MRPL45: variants seen among roughly 807,000 people sequenced by gnomAD.
The protein encoded by MRPL45 is mitochondrial ribosomal protein L45.
A neutral mutation model predicts 38.1 loss-of-function variants in MRPL45; 20 were observed. The observed-to-expected ratio is 0.53, with a 90% confidence interval of 0.37 to 0.76. The LOEUF (loss-of-function observed/expected upper bound fraction) is 0.76. Among genes scored for constraint, MRPL45 ranks in the 30% least tolerant of loss-of-function variants. The pLI, the probability that MRPL45 is intolerant of heterozygous loss-of-function variation, is 0.00. For synonymous variants in MRPL45, 105 were observed against 128.8 expected (o/e 0.82, Z 1.25); for missense variants, 337 against 395.6 (o/e 0.85, Z 1.26).
rs762094171 is a variant in MRPL45, at chr17:38,306,520, CT to C, written c.363-11del. On this transcript the variant is annotated splice_polypyrimidine_tract_variant and intron_variant, in intron 3 of 7. Transcript: ENST00000613675. ...AAGACCTTTAGAAGTAATACTCAGG[CT>C]TAATTTTACAGAATCCGGAGGATAA... 24 of 1,590,934 alleles carry C rather than the reference CT, an allele frequency of 1.5e-5. No homozygotes were observed. The highest frequency in any genetic ancestry group is 2.1e-5 in the Non-Finnish European group (24 of 1,167,358).
At chr17:38,302,834 C>T (rs1230878633) in intron 3 of MRPL45, among the ~76,000 whole-genome samples, 2 of 149,146 alleles carry the variant, frequency 1.3e-5, no homozygotes, top group Non-Finnish European at 3.0e-5. Flanking sequence ...AAGTGATTCT[C>T]CTGCCTCAGC....
At chr17:38,317,108 A>G (rs544185819) in intron 4 of MRPL45, among the ~76,000 whole-genome samples, 19 of 152,148 alleles carry the variant, frequency 1.2e-4, no homozygotes, top group Non-Finnish European at 2.5e-4. Flanking sequence ...TAAATCCACC[A>G]TTTCTAAATG....
intron 7 of MRPL45, 39 bp downstream of exon 7, chr17:38,322,338 A>T (rs755882361): frequency 6.3e-7 from 1 of 1,582,354 alleles, no homozygotes; most frequent in East Asian, 2.3e-5. Context: ...CTGAGGCACT[A>T]CTCGTGGTCT....
chr17:38,320,871 A>G (rs2037223144), intron 6 of MRPL45, 104 bp downstream of exon 6: 8 of 1,085,018 alleles, frequency 7.4e-6, no homozygotes, highest in Admixed American at 3.8e-5. Flanking sequence ...AGACAGTAAT[A>G]AAAGGTACAC....
At chr17:38,309,234 A>G (rs983409190) in intron 4 of MRPL45, among the ~76,000 whole-genome samples, 4 of 148,602 alleles carry the variant, frequency 2.7e-5, no homozygotes, top group African/African-American at 9.9e-5. Context: ...ATTTTCTCTC[A>G]GGCTGGGTGT....
intron 5 of MRPL45, among the ~76,000 whole-genome samples, chr17:38,319,371 G>A (rs1428513865): frequency 2.0e-5 from 3 of 151,826 alleles, no homozygotes; most frequent in African/African-American, 4.8e-5. Context: ...GGTTTCTCCC[G>A]TTGGTCAGGC....
At chr17:38,309,534 A>G (rs1228496707) in intron 4 of MRPL45, among the ~76,000 whole-genome samples, 1 of 42,688 alleles carries the variant, frequency 2.3e-5, no homozygotes, top group Admixed American at 3.9e-4. Flanking sequence ...AAAAAAAAAA[A>G]AAAAAAAGAT....
At chr17:38,306,194 G>T (rs1346956399) in intron 3 of MRPL45, among the ~76,000 whole-genome samples, 8 of 151,768 alleles carry the variant, frequency 5.3e-5, no homozygotes, top group African/African-American at 1.9e-4. Context: ...CGGATCCTGA[G>T]GTCAGGAGAT....
intron 3 of MRPL45, among the ~76,000 whole-genome samples, chr17:38,305,327 C>T (rs924274351): frequency 4.9e-5 from 7 of 141,848 alleles, no homozygotes; most frequent in African/African-American, 1.7e-4. Flanking sequence ...ATTAGGCGGG[C>T]GGGGTGATGT....
chr17:38,318,176 C>G (rs909975090), intron 4 of MRPL45, among the ~76,000 whole-genome samples: 11 of 140,884 alleles, frequency 7.8e-5, no homozygotes, highest in African/African-American at 2.9e-4. Context: ...CCACTGCACT[C>G]CAGCCTGGCG....
chr17:38,321,874 C>CA (rs1421503752), intron 6 of MRPL45, among the ~76,000 whole-genome samples: 15 of 150,518 alleles, frequency 1.0e-4, no homozygotes, highest in African/African-American at 3.7e-4. Context: ...CTAAAAAAGA[C>CA]AAAAAAAATC....
chr17:38,310,669 A>G (rs998879908), intron 4 of MRPL45, among the ~76,000 whole-genome samples: 1 of 152,080 alleles, frequency 6.6e-6, no homozygotes, highest in African/African-American at 2.4e-5. Flanking sequence ...GCTGTCACTC[A>G]GGCTAGAGTA....
chr17:38,313,312 ATATATATATATAT>A (rs2037135582), intron 4 of MRPL45, among the ~76,000 whole-genome samples: 2 of 30,938 alleles, frequency 6.5e-5, no homozygotes, highest in African/African-American at 2.2e-4. Flanking sequence ...AAAAAAAAAA[ATATATATATATAT>A]ATATATACAT....
At chr17:38,308,858 A>G (rs2037080061) in intron 4 of MRPL45, among the ~76,000 whole-genome samples, 1 of 147,374 alleles carries the variant, frequency 6.8e-6, no homozygotes, top group African/African-American at 2.5e-5. Flanking sequence ...TGAGAAATTA[A>G]CTTTTTTTTT....
chr17:38,307,996 C>T lies in MRPL45; in HGVS notation c.461+1365C>T, dbSNP rs543231819. 1.3e-4 allele frequency among the ~76,000 whole-genome samples: 20 copies of T among 151,946 alleles called. 1 individual carries two copies. In the South Asian group the frequency reaches 3.3e-3, roughly 25 times the overall value. ...TCACAGCTCATTGCAGCCTCAGCTC[C>T]GGGGCTCAAGCGATCCTCCCATCTC... is the stretch of plus-strand genomic sequence containing the variant. On this transcript the variant is annotated intron_variant, in intron 4 of 7. Coordinates refer to ENST00000613675, the MANE Select transcript of MRPL45 (RefSeq NM_032351.6).
In MRPL45 at chr17:38,306,385, G is replaced by A; in HGVS notation, c.363-148G>A. On this transcript the variant is annotated intron_variant, in intron 3 of 7. Coordinates refer to ENST00000613675, the MANE Select transcript of MRPL45 (RefSeq NM_032351.6). ...GATCATGCCACTGCACTCCAGCCTG[G>A]GTGACAGAGCGAGACTCAAAAAAAG... The A allele has an allele frequency of 1.0e-5, 8 of 764,524 alleles. No homozygotes were observed. In the South Asian group the frequency reaches 1.6e-4, roughly 15 times the overall value. The allele number at this position is 764,524 out of a possible 1,614,324, so 47.4% of individuals were successfully genotyped here. A position where few individuals can be genotyped will look rare whatever the true frequency, so the allele number is the denominator to read the frequency against.
At chr17:38,308,308 C>T (rs542385659) in intron 4 of MRPL45, among the ~76,000 whole-genome samples, 2 of 152,000 alleles carry the variant, frequency 1.3e-5, no homozygotes, top group Non-Finnish European at 2.9e-5. Context: ...GGGTTTTTAC[C>T]ATGTTGGCCA....
intron 3 of MRPL45, among the ~76,000 whole-genome samples, chr17:38,305,323 C>T (rs1469740134): frequency 8.5e-5 from 12 of 141,684 alleles, no homozygotes; most frequent in East Asian, 4.7e-4. Context: ...AAAAATTAGG[C>T]GGGCGGGGTG....
intron 4 of MRPL45, among the ~76,000 whole-genome samples, chr17:38,316,199 CATT>C (rs1194625071): frequency 2.8e-5 from 4 of 144,114 alleles, no homozygotes; most frequent in Non-Finnish European, 5.9e-5. Context: ...ATTTTTTTTC[CATT>C]ATTTTTTCTC....
Sources: allele counts gnomAD v4.1 joint callset (sites outside exome capture counted in the v4.1 genomes callset), GRCh38; gene constraint gnomAD v4.1.1; transcripts MANE v1.5; gene names NCBI Gene and HGNC (gene_info 2026-07-23, HGNC 2026-07-21).